Variants in KLHL24 observed in about 807,000 individuals in gnomAD.
The protein encoded by KLHL24 is kelch like family member 24.
KLHL24 carries 29 observed loss-of-function variants against 53.4 expected under a neutral mutation model. The observed-to-expected ratio is 0.54, with a 90% confidence interval of 0.40 to 0.74. KLHL24 has a LOEUF of 0.74. Among genes scored for constraint, KLHL24 ranks in the 30% least tolerant of loss-of-function variants. The probability of loss-of-function intolerance (pLI) is 0.00; values close to 1 mark genes in which losing one functional copy is unlikely to be tolerated. For synonymous variants in KLHL24, 222 were observed against 253.7 expected, an observed-to-expected ratio of 0.88 and a Z score of 1.19; for missense variants, 504 against 744.0, an observed-to-expected ratio of 0.68 and a Z score of 3.75.
chr3:183,657,493 T>G (rs1000453252), intron 3 of KLHL24, among the ~76,000 whole-genome samples: 2 of 152,226 alleles, frequency 1.3e-5, no homozygotes, highest in African/African-American at 4.8e-5. Context: ...CAAGTTCTGT[T>G]GAAAACAAAT....
chr3:183,658,212 C>CAAAA (rs35529680), intron 3 of KLHL24, among the ~76,000 whole-genome samples: 4,113 of 135,528 alleles, frequency 0.03, 169 homozygotes, highest in East Asian at 0.16. Context: ...GACTCTGTCT[C>CAAAA]AAAAAAAAAA....
chr3:183,638,703 A>G (rs1251815310), intron 1 of KLHL24, among the ~76,000 whole-genome samples: 2 of 152,242 alleles, frequency 1.3e-5, no homozygotes, highest in African/African-American at 2.4e-5. Context: ...CCAGAGGCTG[A>G]GGCAGGAGAA....
chr3:183,671,277 C>T, intron 6 of KLHL24, 55 bp downstream of exon 6: 1 of 1,498,264 alleles, frequency 6.7e-7, no homozygotes, highest in Admixed American at 1.9e-5. Flanking sequence ...AAGGGAAATA[C>T]AGAAGGCTTA....
chr3:183,669,906 A>C (rs1560180151), intron 5 of KLHL24, among the ~76,000 whole-genome samples: 1 of 152,168 alleles, frequency 6.6e-6, no homozygotes, highest in Non-Finnish European at 1.5e-5. Flanking sequence ...GGGACTTAAT[A>C]GTTAATTAGC....
chr3:183,678,991 T>C (rs910418497), intron 7 of KLHL24, 95 bp from the exon 8 acceptor site: 2 of 947,594 alleles, frequency 2.1e-6, no homozygotes, highest in Non-Finnish European at 3.3e-6. Flanking sequence ...CTCCCTTTTT[T>C]TTGACTGTGC....
At chr3:183,636,041 C>G (rs1395767856) in intron 1 of KLHL24, among the ~76,000 whole-genome samples, 1 of 151,892 alleles carries the variant, frequency 6.6e-6, no homozygotes, top group Admixed American at 6.6e-5. Context: ...CACTACGGCC[C>G]GGAACCGCGG....
intron 2 of KLHL24, among the ~76,000 whole-genome samples, chr3:183,643,847 C>A (rs997397228): frequency 6.6e-6 from 1 of 151,990 alleles, no homozygotes; most frequent in Non-Finnish European, 1.5e-5. Flanking sequence ...TCTAGAGATG[C>A]CTACTTAGTT....
Position 183,650,595 on chromosome 3 carries a change from A to G in KLHL24, c.239A>G (p.His80Arg). 6.2e-7 allele frequency: 1 copy of G among 1,614,220 alleles called. No homozygotes were observed. The highest frequency in any genetic ancestry group is 8.5e-7 in the Non-Finnish European group (1 of 1,180,006). The change falls in exon 3 of 8, where the codon CAT (histidine) becomes CGT (arginine). Residue 80 changes from histidine to arginine, a missense_variant. His to Arg is a conservative substitution (Grantham distance 29, BLOSUM62 0). Coordinates refer to ENST00000242810, the MANE Select transcript of KLHL24 (RefSeq NM_017644.3). This position sits in a 1 kb window ranked among gnomAD's most constrained non-coding sequence, Gnocchi z 4.5. Reference protein sequence around the residue: ...ICVEGKEFPCHRAVLSACSSY... With the variant: ...ICVEGKEFPCRRAVLSACSSY... ...GTGGAAGGAAAAGAATTTCCTTGCC[A>G]TAGAGCTGTGCTCTCAGCCTGTAGC...
intron 5 of KLHL24, among the ~76,000 whole-genome samples, chr3:183,670,451 A>G (rs927450539): frequency 5.3e-5 from 8 of 152,236 alleles, no homozygotes; most frequent in African/African-American, 1.9e-4. Flanking sequence ...TTGTGAAAAG[A>G]AAATGTACAT....
chr3:183,661,772 C>T (rs1719836848), intron 3 of KLHL24, among the ~76,000 whole-genome samples: 2 of 151,954 alleles, frequency 1.3e-5, no homozygotes, highest in Non-Finnish European at 2.9e-5. Context: ...AAGTAATGTA[C>T]AATAAGGAAA....
chr3:183,669,737 T>A (rs1228014898), intron 5 of KLHL24, among the ~76,000 whole-genome samples: 2 of 152,112 alleles, frequency 1.3e-5, no homozygotes, highest in Non-Finnish European at 2.9e-5. Flanking sequence ...ACTGATAAAG[T>A]ATTTTAGGAA....
rs35126567 is a variant in KLHL24 at position 183,682,928 on chromosome 3, A to ATT, written c.*3648_*3649dup. 1.1e-5 allele frequency: 1 copy of ATT among 92,882 alleles called. No homozygotes were observed. The highest frequency in any genetic ancestry group is 2.1e-5 in the Non-Finnish European group (1 of 47,846). 5.8% of individuals were successfully genotyped at this position (92,882 alleles called of 1,614,324 possible). On this transcript the variant is annotated 3_prime_UTR_variant, in exon 8 of 8. Transcript: ENST00000242810. ...AAAGACGACATCTACTTCAAACTGT[A>ATT]TTTTTTTCGTTTTTTTTTTTTTTTG... is the stretch of plus-strand genomic sequence containing the variant.
At chr3:183,664,324 G>A (rs2108847151) in intron 4 of KLHL24, among the ~76,000 whole-genome samples, 2 of 152,280 alleles carry the variant, frequency 1.3e-5, no homozygotes, top group South Asian at 2.1e-4. Flanking sequence ...TCTCCGCAAA[G>A]TTTATGAAAT....
At chr3:183,675,021 T>C (rs1004232360) in intron 7 of KLHL24, among the ~76,000 whole-genome samples, 6 of 152,230 alleles carry the variant, frequency 3.9e-5, no homozygotes, top group South Asian at 2.1e-4. Flanking sequence ...ATACCTCTTA[T>C]GGCAATTGTA....
chr3:183,641,356 T>C (rs1716400983), intron 1 of KLHL24, among the ~76,000 whole-genome samples: 1 of 150,930 alleles, frequency 6.6e-6, no homozygotes, highest in South Asian at 2.1e-4. Flanking sequence ...CGCACACCTG[T>C]AGTCCCAGCT....
rs927757442 is a variant in KLHL24, at chr3:183,680,426, G to C, written c.*1140G>C. ...TTTCTAGTGAACAGCTAAAATTCCT[G>C]AGAGTCTCTACTGTTAAGGTACCTT... On this transcript the variant is annotated 3_prime_UTR_variant, in exon 8 of 8. Coordinates refer to ENST00000242810, the MANE Select transcript of KLHL24 (RefSeq NM_017644.3). The C allele has an allele frequency of 6.6e-6, 1 of 152,194 alleles. No individual in the cohort carries two copies. Among genetic ancestry groups the C allele is most frequent in the African/African-American group, 2.4e-5 (1 of 41,456 alleles). The allele number at this position is 152,194 out of a possible 1,614,324, so 9.4% of individuals were successfully genotyped here.
At chr3:183,666,763 T>C (rs2108856530) in intron 5 of KLHL24, among the ~76,000 whole-genome samples, 1 of 152,258 alleles carries the variant, frequency 6.6e-6, no homozygotes, top group South Asian at 2.1e-4. Flanking sequence ...ATATTGTCTT[T>C]TAAAAAGTCA....
intron 7 of KLHL24, among the ~76,000 whole-genome samples, chr3:183,675,238 C>T (rs1201797929): frequency 1.3e-5 from 2 of 152,078 alleles, no homozygotes; most frequent in African/African-American, 4.8e-5. Context: ...AGAGATACAG[C>T]ATAGATTATA....
chr3:183,670,390 A>G (rs553084257), intron 5 of KLHL24, among the ~76,000 whole-genome samples: 1 of 152,270 alleles, frequency 6.6e-6, no homozygotes, highest in South Asian at 2.1e-4. Flanking sequence ...TATCTTACTG[A>G]TTGGTTCACC....
Sources: gnomAD v4.1 joint callset for allele counts (sites outside exome capture counted in the v4.1 genomes callset) on GRCh38, gnomAD v4.1.1 for gene constraint, Gnocchi (gnomAD v3.1) non-coding constraint, MANE v1.5 for transcripts, NCBI Gene and HGNC (gene_info 2026-07-23, HGNC 2026-07-21) for gene names.